KSR1: variants seen among roughly 807,000 people sequenced by gnomAD.
The protein encoded by KSR1 is kinase suppressor of ras.
KSR1 carries 35 observed loss-of-function variants against 92.9 expected under a neutral mutation model. The observed-to-expected ratio is 0.38, with a 90% CI of 0.29 to 0.50. KSR1 has a LOEUF of 0.50. KSR1 is among the 20% of genes least tolerant of loss of function. KSR1 has a pLI of 0.94. For missense variants in KSR1, 972 were observed against 1,158.5 expected (o/e 0.84, Z 2.34); for synonymous variants, 467 against 472.6 (o/e 0.99, Z 0.15).
intron 1 of KSR1, among the ~76,000 whole-genome samples, chr17:27,496,071 ACCT>A (rs1403260030): frequency 1.3e-5 from 2 of 152,138 alleles, no homozygotes; most frequent in Admixed American, 1.3e-4. Context: ...GCTTGTTGGG[ACCT>A]CATGGGCCAG....
chr17:27,467,132 C>T (rs1274704463), intron 1 of KSR1, among the ~76,000 whole-genome samples: 2 of 152,202 alleles, frequency 1.3e-5, no homozygotes, highest in African/African-American at 4.8e-5. Flanking sequence ...GTGACTTTCC[C>T]AGAGTCACAT....
chr17:27,563,268 C>G (rs2071909435), intron 2 of KSR1, among the ~76,000 whole-genome samples: 1 of 151,744 alleles, frequency 6.6e-6, no homozygotes, highest in Admixed American at 6.6e-5. Flanking sequence ...TTCCTGTTTC[C>G]TTTCCTTTCC....
Position 27,609,907 on chromosome 17 carries a change from C to T in KSR1, c.2226-160C>T, listed in dbSNP as rs1001721317. 5.3e-5 allele frequency: 42 copies of T among 796,500 alleles called. 1 individual carries two copies. The highest frequency in any genetic ancestry group is 3.8e-4 in the Middle Eastern group (1 of 2,616). The allele number at this position is 796,500 out of a possible 1,614,324, so 49.3% of individuals were successfully genotyped here. On this transcript the variant is annotated intron_variant, in intron 16 of 20. Coordinates refer to ENST00000644974, the MANE Select transcript of KSR1 (RefSeq NM_001394583.1). ...CCTTTGTAGAATTCCTCAAAAGCAC[C>T]GGTGCCTTTCCCAAGTGCAGGGTCA...
At chr17:27,478,480 C>T (rs1159157369) in intron 1 of KSR1, among the ~76,000 whole-genome samples, 1 of 152,146 alleles carries the variant, frequency 6.6e-6, no homozygotes, top group Admixed American at 6.5e-5. Context: ...CCACATTGGT[C>T]ATGAGATGTT....
chr17:27,621,402 A>G (rs2074220223), intron 20 of KSR1, 129 bp downstream of exon 20: 1 of 394,988 alleles, frequency 2.5e-6, no homozygotes, highest in South Asian at 1.4e-4. Context: ...AACCAAAGTG[A>G]GGTTTCTGCA....
At chr17:27,581,487 A>G (rs1323667761) in intron 3 of KSR1, among the ~76,000 whole-genome samples, 2 of 151,978 alleles carry the variant, frequency 1.3e-5, no homozygotes, top group East Asian at 1.9e-4. Context: ...AAGGTGCCGT[A>G]TGCCCTTACC....
intron 1 of KSR1, among the ~76,000 whole-genome samples, chr17:27,534,457 A>G (rs1451762803): frequency 1.3e-5 from 2 of 152,244 alleles, no homozygotes; most frequent in Non-Finnish European, 2.9e-5. Context: ...AGCAATAGAC[A>G]TCCCCCTCTT....
intron 1 of KSR1, among the ~76,000 whole-genome samples, chr17:27,516,851 T>C (rs1170208989): frequency 6.6e-6 from 1 of 152,172 alleles, no homozygotes; most frequent in Non-Finnish European, 1.5e-5. Flanking sequence ...TTATACATTT[T>C]CGTGAGACAT....
chr17:27,611,358 C>T, intron 17 of KSR1, 136 bp from the exon 18 acceptor site: 1 of 1,106,262 alleles, frequency 9.0e-7, no homozygotes, highest in South Asian at 1.6e-5. Flanking sequence ...CCCACTGTAG[C>T]ATCCCCTGAA....
intron 1 of KSR1, among the ~76,000 whole-genome samples, chr17:27,501,287 TTC>T (rs1158662429): frequency 1.5e-5 from 2 of 134,450 alleles, no homozygotes; most frequent in African/African-American, 2.7e-5. Flanking sequence ...TTAATTTCTT[TTC>T]TTCTTTTTTT....
At chr17:27,621,875 A>G in intron 20 of KSR1, 7 of 1,601,878 alleles carry the variant, frequency 4.4e-6, no homozygotes, top group Non-Finnish European at 6.0e-6. Flanking sequence ...CAGGCTCTGC[A>G]TTGGGGCTAT....
chr17:27,504,420 G>C (rs540423110), intron 1 of KSR1, among the ~76,000 whole-genome samples: 7 of 152,284 alleles, frequency 4.6e-5, no homozygotes, highest in East Asian at 3.9e-4. Context: ...TTGGGATATG[G>C]GGGGGAGAAG....
Position 27,605,763 on chromosome 17 carries a change from G to T in KSR1, c.1944G>T (p.Val648=), listed in dbSNP as rs2073730957. The change falls in exon 14 of 21, where the codon GTG becomes GTT. Residue 648 remains valine, a synonymous_variant. Transcript: ENST00000644974. ...GGCAGACGCGGCATGAGAACGTGGT[G>T]CTCTTCATGGGGGCCTGCATGAACC... The part of the protein sequence containing the change: ...NYRQTRHENV[V]LFMGACMNPP... 6.2e-7 allele frequency: 1 copy of T among 1,612,756 alleles called. No homozygotes were observed.
intron 4 of KSR1, chr17:27,584,071 T>G: frequency 1.3e-6 from 1 of 761,232 alleles, no homozygotes; most frequent in African/African-American, 1.9e-5. Flanking sequence ...TTACAAAGAT[T>G]GCCCTTGTCA....
intron 1 of KSR1, among the ~76,000 whole-genome samples, chr17:27,504,292 C>T (rs1343868280): frequency 6.6e-6 from 1 of 152,228 alleles, no homozygotes; most frequent in Non-Finnish European, 1.5e-5. Context: ...CATTCTTACC[C>T]ACCTCAGTCA....
At chr17:27,498,337 C>CAAA (rs761230745) in intron 1 of KSR1, among the ~76,000 whole-genome samples, 2 of 52,264 alleles carry the variant, frequency 3.8e-5, no homozygotes, top group Admixed American at 1.9e-4. Context: ...GACTCAGTCT[C>CAAA]AAAAAAAAAA....
chr17:27,463,338 G>A (rs1241219240), intron 1 of KSR1, among the ~76,000 whole-genome samples: 3 of 151,926 alleles, frequency 2.0e-5, no homozygotes, highest in Admixed American at 6.6e-5. Context: ...GGTAAACCCC[G>A]TCTCTACAAG....
At position 27,609,337 on chromosome 17, in the gene KSR1, G is replaced by A. The variant is rs1202595559; in HGVS notation, c.2225+8G>A. 1 of 1,613,626 alleles carries A rather than the reference G, an allele frequency of 6.2e-7. No homozygotes were observed. Among genetic ancestry groups the A allele is most frequent in the Admixed American group, 1.7e-5 (1 of 60,006 alleles). ...CGTGGTCCGAGAGGGACGGTGAGTT[G>A]GTCTTGAGTGTCTGGGTGGGTTGTG... On this transcript the variant is annotated splice_region_variant and intron_variant, in intron 16 of 20. Transcript: ENST00000644974.
intron 1 of KSR1, among the ~76,000 whole-genome samples, chr17:27,516,160 C>T (rs2069784308): frequency 2.6e-5 from 4 of 152,128 alleles, no homozygotes; most frequent in Admixed American, 2.0e-4. Flanking sequence ...AGTTGTGTGA[C>T]GTTGGGCTAG....
Sources: allele counts gnomAD v4.1 joint callset (sites outside exome capture counted in the v4.1 genomes callset), GRCh38; gene constraint gnomAD v4.1.1; transcripts MANE v1.5; gene names NCBI Gene and HGNC (gene_info 2026-07-23, HGNC 2026-07-21).